The following ELF2 variants were observed in gnomAD, a reference collection of about 807,000 sequenced individuals.
ELF2 encodes ETS-related transcription factor Elf-2.
ELF2 carries 11 observed loss-of-function variants against 54.8 expected under a neutral mutation model. The ratio of observed to expected loss-of-function variants is 0.20; its 90% CI spans 0.13 to 0.33. The LOEUF is 0.33. Ranked by LOEUF, ELF2 falls within the 10% of genes least tolerant of loss-of-function variation. The probability of loss-of-function intolerance (pLI) is 1.00; values close to 1 mark genes in which losing one functional copy is unlikely to be tolerated. For synonymous variants in ELF2, 203 were observed against 245.1 expected, an observed-to-expected ratio of 0.83 and a Z score of 1.61; for missense variants, 513 against 703.0, an observed-to-expected ratio of 0.73 and a Z score of 3.06.
chr4:139,115,065 C>T lies in ELF2; in HGVS notation c.238+10099G>A, dbSNP rs965526934. ...TGGCAGCCCGGGCATCGTCACTCTC[C>T]ATGTCCAGGAGCTCATCCACGTCAA... is the stretch of plus-strand genomic sequence containing the variant. On this transcript the variant is annotated intron_variant, in intron 4 of 9. Coordinates refer to ENST00000686138, the MANE Select transcript of ELF2 (RefSeq NM_001331036.3). 8.7e-6 allele frequency: 14 copies of T among 1,613,846 alleles called. No individual in the cohort carries two copies. In the African/African-American group the frequency reaches 1.7e-4, roughly 20 times the overall value.
intron 4 of ELF2, among the ~76,000 whole-genome samples, chr4:139,091,096 G>A (rs917659017): frequency 6.6e-6 from 1 of 151,964 alleles, no homozygotes; most frequent in African/African-American, 2.4e-5. Flanking sequence ...ACCATGCCCG[G>A]CTAATTTTTT....
At chr4:139,177,705 C>G (rs571639583), upstream of ELF2, among the ~76,000 whole-genome samples, 35 of 152,086 alleles carry the variant, frequency 2.3e-4, no homozygotes, top group African/African-American at 7.2e-4. Flanking sequence ...CCGGCTTTCC[C>G]CCGCCGGCCG....
chr4:139,168,646 A>G (rs910079260), intron 1 of ELF2, among the ~76,000 whole-genome samples: 1 of 152,214 alleles, frequency 6.6e-6, no homozygotes, highest in Non-Finnish European at 1.5e-5. Context: ...CCAACAACCC[A>G]GGACAGGTCC....
At chr4:139,120,087 T>C (rs1053652308) in intron 4 of ELF2, among the ~76,000 whole-genome samples, 1 of 152,200 alleles carries the variant, frequency 6.6e-6, no homozygotes, top group African/African-American at 2.4e-5. Context: ...TTTGTGCATC[T>C]TTAAATACCT....
chr4:139,173,293 ATTT>A (rs1742514763), intron 1 of ELF2, among the ~76,000 whole-genome samples: 1 of 152,210 alleles, frequency 6.6e-6, no homozygotes, highest in Non-Finnish European at 1.5e-5. Flanking sequence ...TCAAAAGCTA[ATTT>A]ATTAAAAAGT....
At chr4:139,119,171 G>A (rs1208961654) in intron 4 of ELF2, among the ~76,000 whole-genome samples, 1 of 152,184 alleles carries the variant, frequency 6.6e-6, no homozygotes, top group Non-Finnish European at 1.5e-5. Context: ...CCATCACAGA[G>A]AGACAAATAT....
At chr4:139,115,087 T>C in intron 4 of ELF2, 1 of 1,613,830 alleles carries the variant, frequency 6.2e-7, no homozygotes, top group Non-Finnish European at 8.5e-7. Flanking sequence ...CTCATCCACG[T>C]CAATCTCCAG....
At chr4:139,118,054 G>T in intron 4 of ELF2, 1 of 155,106 alleles carries the variant, frequency 6.4e-6, no homozygotes, top group Middle Eastern at 5.2e-4. Context: ...TTACATAGAT[G>T]GTTCTTGATT....
intron 4 of ELF2, among the ~76,000 whole-genome samples, chr4:139,085,894 T>TG (rs1731927914): frequency 6.6e-6 from 1 of 152,198 alleles, no homozygotes; most frequent in African/African-American, 2.4e-5. Flanking sequence ...ATCGCACCAC[T>TG]GCACTCCAGC....
At position 139,090,470 on chromosome 4, in the gene ELF2, A is replaced by T. The variant is rs141216277; in HGVS notation, c.239-16903T>A. ...GGCCATTAACATTTCCCCTGTGAAT[A>T]GACTATTCATGTCCTTGGCCATTTT... is the stretch of plus-strand genomic sequence containing the variant. On this transcript the variant is annotated intron_variant, in intron 4 of 9. Transcript: ENST00000686138. Among the ~76,000 whole-genome samples the T allele has an allele frequency of 6.6e-5, 10 of 152,354 alleles. No individual in the cohort carries two copies. The East Asian group carries it at 1.9e-3, about 29-fold the overall frequency.
chr4:139,165,292 T>C (rs1220776503), intron 1 of ELF2, among the ~76,000 whole-genome samples: 1 of 152,234 alleles, frequency 6.6e-6, no homozygotes, highest in Non-Finnish European at 1.5e-5. Flanking sequence ...TATTTCACAA[T>C]GACCTATGAT....
intron 1 of ELF2, among the ~76,000 whole-genome samples, chr4:139,147,778 ATTTTTTTT>A (rs767408414): frequency 8.3e-6 from 1 of 120,156 alleles, no homozygotes; most frequent in Non-Finnish European, 1.7e-5. Context: ...CCAGCCAGAG[ATTTTTTTT>A]TTTTTTTTTT....
chr4:139,168,199 G>A (rs1422720041), intron 1 of ELF2, among the ~76,000 whole-genome samples: 1 of 152,204 alleles, frequency 6.6e-6, no homozygotes, highest in Non-Finnish European at 1.5e-5. Flanking sequence ...AGGAAGTTGA[G>A]ACTCATACGC....
chr4:139,155,665 C>T lies in ELF2; in HGVS notation c.-251-16168G>A, dbSNP rs140505872. Among the ~76,000 whole-genome samples, 17 of 152,254 alleles carry T rather than the reference C, an allele frequency of 1.1e-4. No individual in the cohort carries two copies. In the East Asian group the frequency reaches 2.1e-3, roughly 19 times the overall value. On this transcript the variant is annotated intron_variant, in intron 1 of 9. Coordinates refer to ENST00000686138, the MANE Select transcript of ELF2 (RefSeq NM_001331036.3). ...ACTCATGAAAAATTTAGATGTCATT[C>T]TTATTTGTTAAGACAAACATTAACA...
At chr4:139,074,771 AC>A (rs1730051318) in intron 4 of ELF2, among the ~76,000 whole-genome samples, 1 of 151,770 alleles carries the variant, frequency 6.6e-6, no homozygotes, top group South Asian at 2.1e-4. Flanking sequence ...AAAAAAAAAA[AC>A]AAAAAGAAAA....
chr4:139,173,923 A>G (rs1742612755), intron 1 of ELF2, among the ~76,000 whole-genome samples: 1 of 151,662 alleles, frequency 6.6e-6, no homozygotes, highest in African/African-American at 2.4e-5. Flanking sequence ...CCCCATCTCT[A>G]TAAAAAAGAA....
intron 3 of ELF2, among the ~76,000 whole-genome samples, chr4:139,132,982 C>T (rs2148851321): frequency 6.6e-6 from 1 of 151,396 alleles, no homozygotes; most frequent in South Asian, 2.1e-4. Flanking sequence ...AGCTCCGCCT[C>T]CCCCAATCTC....
intron 4 of ELF2, among the ~76,000 whole-genome samples, chr4:139,113,674 G>A (rs1735217550): frequency 6.6e-6 from 1 of 152,022 alleles, no homozygotes; most frequent in Non-Finnish European, 1.5e-5. Context: ...GGCCAACATG[G>A]TGAAAGCCCG....
intron 1 of ELF2, among the ~76,000 whole-genome samples, chr4:139,167,090 T>C (rs1157934225): frequency 6.6e-6 from 1 of 152,218 alleles, no homozygotes; most frequent in African/African-American, 2.4e-5. Flanking sequence ...GCATTAGATA[T>C]TGGTTAAGTA....
Sources: allele counts gnomAD v4.1 joint callset (sites outside exome capture counted in the v4.1 genomes callset), GRCh38; gene constraint gnomAD v4.1.1; transcripts MANE v1.5; gene names NCBI Gene and HGNC (gene_info 2026-07-23, HGNC 2026-07-21).